Variants in USP34 observed in about 807,000 individuals in gnomAD.
USP34 encodes ubiquitin specific peptidase 34.
A neutral mutation model predicts 460.3 loss-of-function variants in USP34; 70 were observed. That is an observed-to-expected ratio of 0.15 (90% CI 0.13 to 0.19). USP34 has a LOEUF of 0.19. Among genes scored for constraint, USP34 ranks in the 10% least tolerant of loss-of-function variants. The probability of loss-of-function intolerance (pLI) is 1.00; values close to 1 mark genes in which losing one functional copy is unlikely to be tolerated. For synonymous variants in USP34, 1,647 were observed against 1,405.3 expected (o/e 1.17, Z -3.85); for missense variants, 3,985 against 4,236.2 (o/e 0.94, Z 1.65).
chr2:61,463,111 C>T (rs914420600), intron 1 of USP34, among the ~76,000 whole-genome samples: 2 of 152,122 alleles, frequency 1.3e-5, no homozygotes, highest in African/African-American at 4.8e-5. Flanking sequence ...TACCTATATA[C>T]TCATAGTATC....
intron 3 of USP34, among the ~76,000 whole-genome samples, chr2:61,398,651 G>T (rs1693617214): frequency 6.6e-6 from 1 of 152,086 alleles, no homozygotes; most frequent in African/African-American, 2.4e-5. Context: ...CTGCTTTTAT[G>T]ATCAGAAAGC....
chr2:61,195,523 T>G (rs2103746768), intron 75 of USP34, among the ~76,000 whole-genome samples: 1 of 151,494 alleles, frequency 6.6e-6, no homozygotes, highest in South Asian at 2.1e-4. Context: ...AATACAAAAA[T>G]TAGCCAGGCG....
chr2:61,197,980 C>T (rs762163149), intron 75 of USP34, among the ~76,000 whole-genome samples: 5 of 152,054 alleles, frequency 3.3e-5, no homozygotes, highest in South Asian at 2.1e-4. Flanking sequence ...AGGATGGTCT[C>T]GATCTCTTGA....
intron 10 of USP34, among the ~76,000 whole-genome samples, chr2:61,355,018 C>T (rs1279596845): frequency 6.6e-6 from 1 of 152,160 alleles, no homozygotes; most frequent in Non-Finnish European, 1.5e-5. Context: ...TTGTCTCTAT[C>T]CTGCAAGACA....
intron 75 of USP34, among the ~76,000 whole-genome samples, chr2:61,202,510 C>T (rs1333448746): frequency 6.6e-6 from 1 of 152,116 alleles, no homozygotes; most frequent in Non-Finnish European, 1.5e-5. Context: ...CCAAAGGGAG[C>T]AGTTCTCTAA....
At chr2:61,401,104 T>C (rs546065386) in intron 3 of USP34, among the ~76,000 whole-genome samples, 1 of 138,956 alleles carries the variant, frequency 7.2e-6, no homozygotes, top group South Asian at 2.3e-4. Flanking sequence ...TGAGCCGAGA[T>C]CGCGCCATTG....
rs543319914 is a variant in USP34 at position 61,211,857 on chromosome 2, C to G, written c.8755G>C (p.Glu2919Gln). 11 of 1,610,622 alleles carry G rather than the reference C, an allele frequency of 6.8e-6. No homozygotes were observed. Among genetic ancestry groups the G allele is most frequent in the Middle Eastern group, 1.7e-4 (1 of 6,050 alleles). ...QRPDMREEELEDIKQFKKTTI... is the reference protein window; with the variant it reads ...QRPDMREEELQDIKQFKKTTI... ...GTTTTCTTGAACTGTTTAATATCTT[C>G]TAATTCTTCTTCTCTCATATCTGGC... Residue 2919 changes from glutamate to glutamine, a missense_variant, in exon 69 of 80, where the codon GAA (glutamate) becomes CAA (glutamine). Glu to Gln is a conservative substitution (Grantham distance 29). This residue lies in a region of USP34 where 275 missense variants were observed against 292.7 expected (regional missense o/e 0.94). Coordinates refer to ENST00000398571, the MANE Select transcript of USP34 (RefSeq NM_014709.4).
intron 1 of USP34, among the ~76,000 whole-genome samples, chr2:61,453,714 CAAAAAAA>C (rs1169951643): frequency 6.3e-5 from 2 of 31,934 alleles, no homozygotes; most frequent in Admixed American, 3.3e-4. Flanking sequence ...CATTCCATCT[CAAAAAAA>C]AAAAAAAAAA....
intron 59 of USP34, 28 bp from the exon 60 acceptor site, chr2:61,229,023 G>A: frequency 1.3e-6 from 2 of 1,498,904 alleles, no homozygotes; most frequent in Non-Finnish European, 1.8e-6. Flanking sequence ...AGATCTTAGA[G>A]AATGTATGAG....
chr2:61,190,090 G>T, intron 78 of USP34, 181 bp downstream of exon 78: 1 of 620,022 alleles, frequency 1.6e-6, no homozygotes, highest in Non-Finnish European at 2.5e-6. Context: ...CAAGGTGATA[G>T]AGTGTGCTGT....
At position 61,198,008 on chromosome 2, in the gene USP34, C is replaced by T. The variant is rs192905416; in HGVS notation, c.9509-5028G>A. ...TCTCTTGACCTGGTGATCTGCCTGC[C>T]TCAGCCTCCCAAAGTGCTGGGATTA... On this transcript the variant is annotated intron_variant, in intron 75 of 79. Transcript: ENST00000398571. Among the ~76,000 whole-genome samples the T allele has an allele frequency of 1.5e-3, 224 of 152,328 alleles. 1 individual carries two copies. The highest frequency in any genetic ancestry group is 3.4e-3 in the Middle Eastern group (1 of 294).
In USP34 at chr2:61,281,245, A is replaced by G. The variant is rs768162713; in HGVS notation, c.4999-3T>C. The stretch of plus-strand genomic sequence containing the variant: ...CATGATTCATGACGAACTGCAGTCT[A>G]GATGAAAAAGAAAGTTCCACAAACA... On this transcript the variant is annotated splice_region_variant and splice_polypyrimidine_tract_variant and intron_variant, in intron 37 of 79. Coordinates refer to ENST00000398571, the MANE Select transcript of USP34 (RefSeq NM_014709.4). 1.2e-5 allele frequency: 19 copies of G among 1,605,742 alleles called. No homozygotes were observed. The highest frequency in any genetic ancestry group is 1.6e-5 in the Non-Finnish European group (19 of 1,177,062).
chr2:61,213,000 A>T (rs950384671), intron 68 of USP34, among the ~76,000 whole-genome samples: 3 of 152,030 alleles, frequency 2.0e-5, no homozygotes, highest in Admixed American at 6.6e-5. Context: ...GTACTTGTAC[A>T]CTCACTCTCT....
chr2:61,367,489 C>T (rs1200808642), intron 10 of USP34, among the ~76,000 whole-genome samples: 1 of 152,100 alleles, frequency 6.6e-6, no homozygotes, highest in Non-Finnish European at 1.5e-5. Context: ...AACAAACAAG[C>T]ACACAATGTT....
intron 37 of USP34, among the ~76,000 whole-genome samples, chr2:61,282,894 A>T (rs1689576827): frequency 6.6e-6 from 1 of 152,102 alleles, no homozygotes; most frequent in Non-Finnish European, 1.5e-5. Flanking sequence ...ACTTTTTTTT[A>T]TTAATCCAAA....
chr2:61,313,139 T>C (rs1324566237), intron 25 of USP34, among the ~76,000 whole-genome samples: 1 of 152,146 alleles, frequency 6.6e-6, no homozygotes, highest in Non-Finnish European at 1.5e-5. Flanking sequence ...CTAGTTATTG[T>C]ACTAGTAACA....
intron 30 of USP34, 99 bp downstream of exon 30, chr2:61,296,701 A>G: frequency 7.8e-7 from 1 of 1,274,554 alleles, no homozygotes; most frequent in Non-Finnish European, 1.1e-6. Flanking sequence ...CTATATTCAG[A>G]TTTACTGAGG....
chr2:61,235,955 C>T (rs1303825223), intron 56 of USP34, 45 bp from the exon 57 acceptor site: 2 of 1,598,374 alleles, frequency 1.3e-6, no homozygotes, highest in East Asian at 2.2e-5. Flanking sequence ...TCTGAGCCAA[C>T]AATAACAAAA....
At chr2:61,450,596 TACTAAAAATACCAAATAAATAATAA>T (rs765271011) in intron 1 of USP34, among the ~76,000 whole-genome samples, 4 of 152,074 alleles carry the variant, frequency 2.6e-5, no homozygotes, top group African/African-American at 2.4e-5. Context: ...ATCCTGTCTC[TACTAAAAATACCAAATAAATAATAA>T]AGTAAAATAA....
Sources: allele counts gnomAD v4.1 joint callset (sites outside exome capture counted in the v4.1 genomes callset), GRCh38; gene constraint gnomAD v4.1.1; regional missense constraint gnomAD v4.1.1; transcripts MANE v1.5; gene names NCBI Gene and HGNC (gene_info 2026-07-23, HGNC 2026-07-21).